POT1: variants seen among roughly 807,000 people sequenced by gnomAD.
POT1 encodes the protein protection of telomeres protein 1.
A neutral mutation model predicts 78.5 loss-of-function variants in POT1; 47 were observed. That is an observed-to-expected ratio of 0.60 (90% confidence interval 0.47 to 0.76). The LOEUF (loss-of-function observed/expected upper bound fraction) is 0.76, where lower values mean the gene tolerates loss of function less well. Among genes scored for constraint, POT1 ranks in the 30% least tolerant of loss-of-function variants. The pLI is 0.00. For synonymous variants in POT1, 259 were observed against 260.7 expected, an observed-to-expected ratio of 0.99 and a Z score of 0.06; for missense variants, 646 against 749.9, an observed-to-expected ratio of 0.86 and a Z score of 1.62.
intron 6 of POT1, among the ~76,000 whole-genome samples, chr7:124,878,722 A>G (rs1445322476): frequency 1.3e-5 from 2 of 152,164 alleles, no homozygotes; most frequent in African/African-American, 4.8e-5. Context: ...TGATAGCAAC[A>G]AAAAAGAAAA....
intron 6 of POT1, among the ~76,000 whole-genome samples, chr7:124,881,901 TAA>T (rs1796127841): frequency 6.6e-6 from 1 of 152,034 alleles, no homozygotes; most frequent in Middle Eastern, 3.2e-3. Flanking sequence ...AAACCATTGA[TAA>T]AGTGTTGTCT....
chr7:124,923,109 A>G (rs1263863660), intron 2 of POT1, among the ~76,000 whole-genome samples: 3 of 151,908 alleles, frequency 2.0e-5, no homozygotes, highest in Non-Finnish European at 2.9e-5. Flanking sequence ...AAACATGAAA[A>G]AGCAGGGAAA....
intron 6 of POT1, among the ~76,000 whole-genome samples, chr7:124,883,103 T>C (rs12706624): frequency 0.99 from 151,168 of 152,102 alleles, 75,130 homozygotes; most frequent in Middle Eastern, 1. Flanking sequence ...CAGTTAAGCA[T>C]CTGGGAAGAG....
intron 2 of POT1, among the ~76,000 whole-genome samples, chr7:124,920,287 T>A (rs566739667): frequency 6.6e-6 from 1 of 152,054 alleles, no homozygotes. Context: ...CCTGAAAGAA[T>A]GTTATACGTA....
intron 13 of POT1, 35 bp from the exon 14 acceptor site, chr7:124,841,213 T>C: frequency 6.5e-7 from 1 of 1,546,850 alleles, no homozygotes; most frequent in Non-Finnish European, 8.9e-7. Context: ...TAGAAATCGA[T>C]TTTGGTGTAA....
chr7:124,850,282 A>G (rs1440793778), intron 11 of POT1, among the ~76,000 whole-genome samples: 2 of 152,222 alleles, frequency 1.3e-5, no homozygotes, highest in African/African-American at 4.8e-5. Flanking sequence ...ACAAAAACTC[A>G]AAAAGCCTGC....
chr7:124,825,734 CTATGT>C (rs990133338), intron 17 of POT1, among the ~76,000 whole-genome samples: 41 of 152,112 alleles, frequency 2.7e-4, no homozygotes, highest in African/African-American at 7.2e-4. Flanking sequence ...CTCTTCCCTA[CTATGT>C]TATAAGTTTC....
chr7:124,887,557 A>G (rs1796276767), intron 6 of POT1, among the ~76,000 whole-genome samples: 1 of 152,144 alleles, frequency 6.6e-6, no homozygotes, highest in South Asian at 2.1e-4. Context: ...ATGGTTTTGT[A>G]ATATGAAGTC....
At chr7:124,839,113 T>C (rs769064081) in intron 14 of POT1, among the ~76,000 whole-genome samples, 1 of 152,092 alleles carries the variant, frequency 6.6e-6, no homozygotes, top group Non-Finnish European at 1.5e-5. Flanking sequence ...AACAGACAGA[T>C]TAAAACAGAA....
chr7:124,923,846 A>C (rs1355615036), intron 2 of POT1, among the ~76,000 whole-genome samples: 2 of 151,806 alleles, frequency 1.3e-5, no homozygotes, highest in East Asian at 3.9e-4. Context: ...TTTCAGCAGA[A>C]ATCTTACAGG....
At chr7:124,907,745 A>G (rs1163403312) in intron 3 of POT1, among the ~76,000 whole-genome samples, 2 of 152,106 alleles carry the variant, frequency 1.3e-5, no homozygotes, top group Non-Finnish European at 2.9e-5. Flanking sequence ...GAGGCTATGC[A>G]TAACTGCAGG....
At chr7:124,889,290 T>G (rs537299679) in intron 6 of POT1, among the ~76,000 whole-genome samples, 25 of 152,138 alleles carry the variant, frequency 1.6e-4, no homozygotes, top group African/African-American at 4.6e-4. Context: ...AGGCACTAAC[T>G]CTCTTCAATT....
intron 14 of POT1, among the ~76,000 whole-genome samples, chr7:124,839,195 C>T (rs1280032597): frequency 6.6e-6 from 1 of 152,062 alleles, no homozygotes; most frequent in Non-Finnish European, 1.5e-5. Context: ...GGAGAAGGAA[C>T]AGTCTTTTTA....
At chr7:124,835,204 C>T (rs1584753132) in intron 15 of POT1, 75 bp downstream of exon 15, 1 of 1,545,156 alleles carries the variant, frequency 6.5e-7, no homozygotes, top group East Asian at 2.3e-5. Context: ...TAACAAACCT[C>T]CATGTTCAGC....
intron 11 of POT1, among the ~76,000 whole-genome samples, chr7:124,849,894 A>G (rs1795262778): frequency 6.6e-6 from 1 of 152,124 alleles, no homozygotes; most frequent in Non-Finnish European, 1.5e-5. Context: ...GAGAAGAGTC[A>G]TATTGTTTAT....
At position 124,835,390 on chromosome 7, in the gene POT1, T is replaced by G; in HGVS notation, c.1394A>C (p.Lys465Thr). The G allele has an allele frequency of 6.2e-7, 1 of 1,613,470 alleles. No homozygotes were observed. Among genetic ancestry groups the G allele is most frequent in the Non-Finnish European group, 8.5e-7 (1 of 1,179,420 alleles). ...TACACTATTAAACTTGTTCGAGAGT[T>G]TGCAAATTTCACTGAGTGTACCTCC... is the stretch of plus-strand genomic sequence containing the variant. ...IEGGTLSEIC[K>T]LSNKFNSVIP... is the part of the protein sequence containing the mutation. The change falls in exon 15 of 19, where the codon AAA (lysine) becomes ACA (threonine). Residue 465 changes from lysine (K) to threonine (T), a missense_variant. By Grantham distance (78) the Lys-to-Thr change is moderately conservative. Coordinates refer to ENST00000357628, the MANE Select transcript of POT1 (RefSeq NM_015450.3).
intron 6 of POT1, among the ~76,000 whole-genome samples, chr7:124,878,725 A>T (rs1796049188): frequency 6.6e-6 from 1 of 152,174 alleles, no homozygotes; most frequent in Non-Finnish European, 1.5e-5. Context: ...TAGCAACAAA[A>T]AAGAAAAGGC....
In POT1 at chr7:124,929,818, A is replaced by G. The variant is rs1797365472; in HGVS notation, c.-436T>C. On this transcript the variant is annotated 5_prime_UTR_variant, in exon 1 of 19. Coordinates refer to ENST00000357628, the MANE Select transcript of POT1 (RefSeq NM_015450.3). The stretch of plus-strand genomic sequence containing the variant: ...CCCGTACTCTAGAAAGAACCCTAGG[A>G]AGAGTTTAGGCGGGCGCGCAGGTGA... The G allele has an allele frequency of 6.6e-6, 1 of 152,228 alleles. No individual in the cohort carries two copies. Among genetic ancestry groups the G allele is most frequent in the Non-Finnish European group, 1.5e-5 (1 of 68,084 alleles). 9.4% of individuals were successfully genotyped at this position (152,228 alleles called of 1,614,324 possible).
chr7:124,877,924 G>A (rs1205962953), intron 6 of POT1, among the ~76,000 whole-genome samples: 7 of 149,580 alleles, frequency 4.7e-5, no homozygotes, highest in Admixed American at 2.7e-4. Flanking sequence ...TTCAAGTGAC[G>A]GAGCTTCCTT....
Sources: allele counts gnomAD v4.1 joint callset (sites outside exome capture counted in the v4.1 genomes callset), GRCh38; gene constraint gnomAD v4.1.1; transcripts MANE v1.5; gene names NCBI Gene and HGNC (gene_info 2026-07-23, HGNC 2026-07-21).